CRYBG3: variants seen among roughly 807,000 people sequenced by gnomAD.
The protein encoded by CRYBG3 is very large A-kinase anchor protein.
A neutral mutation model predicts 244.2 loss-of-function variants in CRYBG3; 127 were observed. The ratio of observed to expected loss-of-function variants is 0.52; its 90% CI spans 0.45 to 0.60. CRYBG3 has a LOEUF of 0.60. CRYBG3 is among the 20% of genes least tolerant of loss of function. The probability of loss-of-function intolerance (pLI) is 0.00; values close to 1 mark genes in which losing one functional copy is unlikely to be tolerated. For synonymous variants in CRYBG3, 1,132 were observed against 1,195.8 expected (o/e 0.95, Z 1.10); for missense variants, 3,325 against 3,442.5 (o/e 0.97, Z 0.85).
At position 97,909,702 on chromosome 3, in the gene CRYBG3, C is replaced by T. The variant is rs543624087; in HGVS notation, c.8005-2465C>T. Among the ~76,000 whole-genome samples the T allele has an allele frequency of 8.7e-4, 132 of 151,912 alleles. 2 individuals carry two copies. The South Asian group carries it at 8.8e-3, about 10-fold the overall frequency. On this transcript the variant is annotated intron_variant, in intron 15 of 21. Transcript: ENST00000389622. ...TTTGCCTTCAGTTTGAATGTCCTCC[C>T]GTAGCTCAGAGTAATTTGATCGTCT...
rs574263000 is a variant in CRYBG3 at position 97,848,559 on chromosome 3, C to A, written c.216+5298C>A. ...CTCGTGATCCGCCTGCCTCAGCCTC[C>A]CAAAGTGCTGGGATTGCAGGCATGA... On this transcript the variant is annotated intron_variant, in intron 2 of 21. Transcript: ENST00000389622. Among the ~76,000 whole-genome samples the A allele has an allele frequency of 6.6e-3, 1,007 of 152,244 alleles. 12 individuals carry two copies. The highest frequency in any genetic ancestry group is 0.024 in the African/African-American group (978 of 41,548).
At chr3:97,826,490 C>T (rs563759317) in intron 1 of CRYBG3, among the ~76,000 whole-genome samples, 35 of 152,180 alleles carry the variant, frequency 2.3e-4, no homozygotes, top group African/African-American at 8.2e-4. Context: ...TCCCTCAAGA[C>T]AAAATATTTT....
chr3:97,855,019 CA>C (rs2108190395), intron 2 of CRYBG3, among the ~76,000 whole-genome samples: 1 of 152,120 alleles, frequency 6.6e-6, no homozygotes, highest in African/African-American at 2.4e-5. Flanking sequence ...CATTGAGGTA[CA>C]TTCCTTATAT....
In CRYBG3 at chr3:97,874,689, C is replaced by G. The variant is rs1316953902; in HGVS notation, c.3495C>G (p.Asn1165Lys). ...GAVAGPAASV[N>K]SSGQQCSEAS... The stretch of plus-strand genomic sequence containing the variant: ...TTGCTGGGCCTGCAGCGTCAGTTAA[C>G]AGCTCAGGCCAACAGTGTTCTGAAG... Residue 1165 changes from asparagine (N) to lysine (K), a missense_variant, in exon 4 of 22, where the codon AAC becomes AAG. Transcript: ENST00000389622. The G allele has an allele frequency of 2.0e-6, 3 of 1,535,652 alleles. No homozygotes were observed. Among genetic ancestry groups the G allele is most frequent in the Non-Finnish European group, 2.6e-6 (3 of 1,146,726 alleles).
At chr3:97,824,707 C>T (rs1032189169) in intron 1 of CRYBG3, among the ~76,000 whole-genome samples, 13 of 152,294 alleles carry the variant, frequency 8.5e-5, no homozygotes, top group East Asian at 5.8e-4. Flanking sequence ...CCAACTTAGG[C>T]GTAGGCACTC....
chr3:97,870,906 ATGT>A (rs141395528), intron 3 of CRYBG3, among the ~76,000 whole-genome samples: 32,984 of 152,026 alleles, frequency 0.22, 4,076 homozygotes, highest in Middle Eastern at 0.3. Flanking sequence ...AATGTGACAA[ATGT>A]TGTGCTCTGT....
intron 18 of CRYBG3, 101 bp from the exon 19 acceptor site, chr3:97,936,684 C>G: frequency 8.1e-7 from 1 of 1,234,072 alleles, no homozygotes. Flanking sequence ...GTCTGCAAAC[C>G]TAGAAGTTTA....
chr3:97,943,062 A>G, intron 21 of CRYBG3, 164 bp from the exon 22 acceptor site: 1 of 580,644 alleles, frequency 1.7e-6, no homozygotes, highest in Non-Finnish European at 3.0e-6. Context: ...TTTGAGGTGA[A>G]TAATGGCTAA....
chr3:97,883,962 A>G (rs540988051), intron 7 of CRYBG3, among the ~76,000 whole-genome samples: 3 of 152,320 alleles, frequency 2.0e-5, no homozygotes, highest in Non-Finnish European at 2.9e-5. Context: ...CTTTAAAGAT[A>G]GTTATTTCAT....
At chr3:97,880,931 G>T in intron 6 of CRYBG3, 141 bp from the exon 7 acceptor site, 1 of 549,314 alleles carries the variant, frequency 1.8e-6, no homozygotes, top group Non-Finnish European at 3.1e-6. Context: ...ATATATCATT[G>T]TTTCAAAAAA....
chr3:97,856,815 C>T (rs1299685308), intron 2 of CRYBG3, among the ~76,000 whole-genome samples: 1 of 151,940 alleles, frequency 6.6e-6, no homozygotes, highest in Admixed American at 6.6e-5. Flanking sequence ...CTTAGTCTGA[C>T]TAATGGTTTA....
intron 1 of CRYBG3, among the ~76,000 whole-genome samples, chr3:97,835,276 A>G (rs1475683650): frequency 2.0e-5 from 3 of 152,106 alleles, no homozygotes; most frequent in East Asian, 3.9e-4. Flanking sequence ...ATAGATTAAT[A>G]TATAATATGC....
intron 16 of CRYBG3, among the ~76,000 whole-genome samples, chr3:97,913,335 C>G (rs2039893844): frequency 6.6e-6 from 1 of 152,062 alleles, no homozygotes; most frequent in African/African-American, 2.4e-5. Context: ...TCCTCCGTAC[C>G]CACTATACCA....
Position 97,874,449 on chromosome 3 carries a change from T to C in CRYBG3, c.3255T>C (p.Ser1085=), listed in dbSNP as rs2039345716. 2 of 1,535,116 alleles carry C rather than the reference T, an allele frequency of 1.3e-6. No homozygotes were observed. Among genetic ancestry groups the C allele is most frequent in the Non-Finnish European group, 1.7e-6 (2 of 1,146,452 alleles). ...NSHKPQNNLD[S]IQVTKDLTHE... is the part of the protein sequence containing the mutation. The stretch of plus-strand genomic sequence containing the variant: ...ATAAGCCCCAAAATAATTTGGATTC[T>C]ATACAAGTTACCAAAGATCTCACAC... The change falls in exon 4 of 22, where the codon TCT becomes TCC. Residue 1085 remains serine, a synonymous_variant. Coordinates refer to ENST00000389622, the MANE Select transcript of CRYBG3 (RefSeq NM_153605.4).
chr3:97,864,162 G>A, intron 2 of CRYBG3, 55 bp from the exon 3 acceptor site: 3 of 1,309,536 alleles, frequency 2.3e-6, no homozygotes, highest in Non-Finnish European at 1.0e-6. Context: ...TAGCTTATCA[G>A]TCTGTTTCAT....
chr3:97,909,047 C>A (rs910040318), intron 15 of CRYBG3, among the ~76,000 whole-genome samples: 49 of 152,236 alleles, frequency 3.2e-4, no homozygotes, highest in Non-Finnish European at 6.6e-4. Context: ...GTTGAAAATT[C>A]TTTTCTTTAA....
chr3:97,864,094 A>G, intron 2 of CRYBG3, 123 bp from the exon 3 acceptor site: 1 of 749,724 alleles, frequency 1.3e-6, no homozygotes, highest in Non-Finnish European at 2.1e-6. Flanking sequence ...AAGGAACAGA[A>G]GCCATTAGTC....
Position 97,831,529 on chromosome 3 carries a change from G to T in CRYBG3, c.149+9174G>T, listed in dbSNP as rs547454978. Among the ~76,000 whole-genome samples the T allele has an allele frequency of 2.0e-5, 3 of 152,214 alleles. No homozygotes were observed. The South Asian group carries it at 6.2e-4, about 32-fold the overall frequency. On this transcript the variant is annotated intron_variant, in intron 1 of 21. Coordinates refer to ENST00000389622, the MANE Select transcript of CRYBG3 (RefSeq NM_153605.4). ...GCATGTCAAAGTGCCATATTTTGGG[G>T]TATGGGATTCTGAGTTTTTATCTAT...
intron 17 of CRYBG3, chr3:97,933,469 A>G (rs375713555): frequency 4.8e-5 from 29 of 605,064 alleles, no homozygotes; most frequent in African/African-American, 1.3e-4. Context: ...TATGAGATTG[A>G]TTGCTTTTCT....
Sources: gnomAD v4.1 joint callset for allele counts (sites outside exome capture counted in the v4.1 genomes callset) on GRCh38, gnomAD v4.1.1 for gene constraint, MANE v1.5 for transcripts, NCBI Gene and HGNC (gene_info 2026-07-23, HGNC 2026-07-21) for gene names.